The following ATP6V0D1 variants were observed in gnomAD, a reference collection of about 807,000 sequenced individuals.
The protein encoded by ATP6V0D1 is V-type proton ATPase subunit d 1.
ATP6V0D1 carries 13 observed loss-of-function variants against 39.0 expected under a neutral mutation model. The ratio of observed to expected loss-of-function variants is 0.33; its 90% CI spans 0.22 to 0.53. The LOEUF is 0.53. ATP6V0D1 is among the 20% of genes least tolerant of loss of function. ATP6V0D1 has a pLI of 0.94. For missense variants in ATP6V0D1, 272 were observed against 470.9 expected, an observed-to-expected ratio of 0.58 and a Z score of 3.91; for synonymous variants, 191 against 191.2, an observed-to-expected ratio of 1.00 and a Z score of 0.01.
intron 1 of ATP6V0D1, among the ~76,000 whole-genome samples, chr16:67,476,372 A>G (rs1381284161): frequency 6.6e-6 from 1 of 152,224 alleles, no homozygotes; most frequent in African/African-American, 2.4e-5. Context: ...GAAACATAAC[A>G]AATACATTAA....
intron 2 of ATP6V0D1, among the ~76,000 whole-genome samples, chr16:67,450,829 G>A (rs1465925039): frequency 6.6e-6 from 1 of 152,178 alleles, no homozygotes; most frequent in Non-Finnish European, 1.5e-5. Flanking sequence ...AGTAAGGTGA[G>A]GGCACTCAGA....
intron 1 of ATP6V0D1, among the ~76,000 whole-genome samples, chr16:67,463,978 C>T (rs374925800): frequency 1.3e-4 from 20 of 152,276 alleles, no homozygotes; most frequent in Admixed American, 5.2e-4. Context: ...GGGCAGATAC[C>T]GAAGGGTGAC....
At chr16:67,467,649 T>C (rs2041341196) in intron 1 of ATP6V0D1, among the ~76,000 whole-genome samples, 1 of 152,212 alleles carries the variant, frequency 6.6e-6, no homozygotes, top group East Asian at 1.9e-4. Flanking sequence ...CATCTCTGCA[T>C]CACACAGCTG....
intron 1 of ATP6V0D1, among the ~76,000 whole-genome samples, chr16:67,461,219 G>A (rs2041287180): frequency 6.6e-6 from 1 of 152,138 alleles, no homozygotes; most frequent in African/African-American, 2.4e-5. Flanking sequence ...CCTTTCCCAG[G>A]CCTCTAGCAT....
chr16:67,474,564 G>C (rs1043117047), intron 1 of ATP6V0D1, among the ~76,000 whole-genome samples: 1 of 152,206 alleles, frequency 6.6e-6, no homozygotes, highest in Non-Finnish European at 1.5e-5. Context: ...CTCCTTTGGA[G>C]CTACCCACAT....
intron 1 of ATP6V0D1, among the ~76,000 whole-genome samples, chr16:67,470,645 C>G (rs2041365453): frequency 6.6e-6 from 1 of 152,226 alleles, no homozygotes; most frequent in African/African-American, 2.4e-5. Context: ...TGGTGACTTC[C>G]AGGTTAATAT....
At chr16:67,462,670 AAAAC>A (rs1376479343) in intron 1 of ATP6V0D1, among the ~76,000 whole-genome samples, 1 of 152,150 alleles carries the variant, frequency 6.6e-6, no homozygotes, top group African/African-American at 2.4e-5. Flanking sequence ...CACAAAAAAT[AAAAC>A]AAAATGAGCC....
At chr16:67,459,970 TGA>T (rs1163677898) in intron 1 of ATP6V0D1, among the ~76,000 whole-genome samples, 1 of 152,218 alleles carries the variant, frequency 6.6e-6, no homozygotes, top group Non-Finnish European at 1.5e-5. Flanking sequence ...CAGCACAGTG[TGA>T]GAGGACAGAG....
chr16:67,440,661 G>C (rs528859729), intron 4 of ATP6V0D1: 1 of 152,372 alleles, frequency 6.6e-6, no homozygotes, highest in East Asian at 1.9e-4. Flanking sequence ...CACAAGCTCT[G>C]CTGGGTGGTG....
intron 1 of ATP6V0D1, among the ~76,000 whole-genome samples, chr16:67,463,087 G>T (rs116034595): frequency 1.3e-4 from 20 of 152,308 alleles, no homozygotes; most frequent in African/African-American, 4.6e-4. Flanking sequence ...CCAGTTCCAC[G>T]GTGCCTAGAG....
intron 1 of ATP6V0D1, chr16:67,459,075 C>G (rs867975825): frequency 5.1e-6 from 5 of 985,616 alleles, no homozygotes; most frequent in Non-Finnish European, 4.8e-6. Context: ...TGTGAGGCCC[C>G]GTGCCCTCAG....
intron 2 of ATP6V0D1, chr16:67,452,436 A>T: frequency 6.5e-7 from 1 of 1,529,244 alleles, no homozygotes; most frequent in Admixed American, 2.0e-5. Context: ...ACTGCAGGGG[A>T]TAAGAATCAG....
rs1304215317 is a variant in ATP6V0D1 at position 67,447,220 on chromosome 16, G to A, written c.303-2514C>T. Among the ~76,000 whole-genome samples the A allele has an allele frequency of 6.6e-6, 1 of 152,206 alleles. No individual in the cohort carries two copies. The highest frequency in any genetic ancestry group is 1.5e-5 in the Non-Finnish European group (1 of 68,026). ...TCAAACCCAAGCCAGGCCAATCGTG[G>A]GCGATCCTGTGCCAGGCCCAGCACT... On this transcript the variant is annotated intron_variant, in intron 2 of 7. Coordinates refer to ENST00000290949, the MANE Select transcript of ATP6V0D1 (RefSeq NM_004691.5). The surrounding 1 kb of genome is among the most constrained non-coding windows in gnomAD (Gnocchi z 4.1).
chr16:67,476,024 G>A (rs2041411676), intron 1 of ATP6V0D1, among the ~76,000 whole-genome samples: 2 of 152,160 alleles, frequency 1.3e-5, no homozygotes, highest in African/African-American at 4.8e-5. Flanking sequence ...GAGGTCAGGA[G>A]TTCAAGACCA....
intron 1 of ATP6V0D1, among the ~76,000 whole-genome samples, chr16:67,460,080 C>A (rs1276283813): frequency 6.6e-6 from 1 of 152,250 alleles, no homozygotes; most frequent in Non-Finnish European, 1.5e-5. Flanking sequence ...CTGAATGGAA[C>A]CAGATGTGAG....
At chr16:67,442,907 A>G (rs2041070184) in intron 4 of ATP6V0D1, among the ~76,000 whole-genome samples, 192 bp downstream of exon 4, 1 of 152,152 alleles carries the variant, frequency 6.6e-6, no homozygotes, top group Non-Finnish European at 1.5e-5. Context: ...CACAGGCACT[A>G]TGGGATGGAG....
chr16:67,471,902 C>T (rs1248981455), intron 1 of ATP6V0D1, among the ~76,000 whole-genome samples: 3 of 152,034 alleles, frequency 2.0e-5, no homozygotes, highest in African/African-American at 7.2e-5. Context: ...TCAGCCTCCT[C>T]AGTGGCTGAG....
intron 2 of ATP6V0D1, chr16:67,452,298 G>C (rs2041189841): frequency 6.5e-7 from 1 of 1,535,580 alleles, no homozygotes; most frequent in African/African-American, 1.4e-5. Flanking sequence ...GCCAGGAGAG[G>C]GCCTGCTTCC....
intron 2 of ATP6V0D1, among the ~76,000 whole-genome samples, chr16:67,448,368 T>C (rs748277440): frequency 3.6e-4 from 53 of 149,218 alleles, no homozygotes; most frequent in Non-Finnish European, 6.5e-4. Context: ...ATAAAATAAA[T>C]AGAAGATGAG....
Sources: allele counts gnomAD v4.1 joint callset (sites outside exome capture counted in the v4.1 genomes callset), GRCh38; gene constraint gnomAD v4.1.1; non-coding constraint Gnocchi (gnomAD v3.1); transcripts MANE v1.5; gene names NCBI Gene and HGNC (gene_info 2026-07-23, HGNC 2026-07-21).